The following ONECUT2 variants were observed in gnomAD, a reference collection of about 807,000 sequenced individuals.
ONECUT2 encodes the protein one cut domain family member 2.
Under a neutral mutation model 27.9 loss-of-function variants are expected in ONECUT2, and 10 were observed. That is an observed-to-expected ratio of 0.36 (90% CI 0.22 to 0.61). ONECUT2 has a LOEUF of 0.61. ONECUT2 is among the 20% of genes least tolerant of loss of function. The pLI is 0.73. For missense variants in ONECUT2, 686 were observed against 721.0 expected, an observed-to-expected ratio of 0.95 and a Z score of 0.56; for synonymous variants, 334 against 315.1, an observed-to-expected ratio of 1.06 and a Z score of -0.64.
intron 1 of ONECUT2, among the ~76,000 whole-genome samples, chr18:57,437,515 A>G (rs1469649553): frequency 1.3e-5 from 2 of 152,260 alleles, no homozygotes; most frequent in African/African-American, 4.8e-5. Context: ...GGCTGAAGGC[A>G]CAGCCTTGCC....
At position 57,476,753 on chromosome 18, in the gene ONECUT2, C is replaced by T; in HGVS notation, c.*30C>T. On this transcript the variant is annotated 3_prime_UTR_variant, in exon 2 of 2. Transcript: ENST00000491143. Reference sequence around the variant, plus strand: ...AGGACTCTCACTTGGGCACAAGTCACCTCCAAATGAGGACAACAGATACCA... The same window carrying T: ...AGGACTCTCACTTGGGCACAAGTCATCTCCAAATGAGGACAACAGATACCA... 1 of 1,607,860 alleles carries T rather than the reference C, an allele frequency of 6.2e-7. No homozygotes were observed. The highest frequency in any genetic ancestry group is 8.5e-7 in the Non-Finnish European group (1 of 1,176,540).
intron 1 of ONECUT2, among the ~76,000 whole-genome samples, chr18:57,467,634 G>A (rs79118502): frequency 0.044 from 6,747 of 152,206 alleles, 581 homozygotes; most frequent in East Asian, 0.36. Flanking sequence ...CGAAGTGCTG[G>A]GATTACAGGC....
At position 57,436,307 on chromosome 18, in the gene ONECUT2, C is replaced by T. The variant is rs1357490836; in HGVS notation, c.591C>T (p.Leu197=). ...GCAACGTCAGCGGCAGCTTCACCCT[C>T]ATGCGCGACGAGCGCGGGCTCCCGG... ...LSGNVSGSFT[L]MRDERGLPAM... is the part of the protein sequence containing the mutation. Residue 197 remains leucine (L), a synonymous_variant, in exon 1 of 2, where the codon CTC becomes CTT. Transcript: ENST00000491143. The surrounding 1 kb of genome is among the most constrained non-coding windows in gnomAD (Gnocchi z 5.9). The T allele has an allele frequency of 6.2e-7, 1 of 1,604,074 alleles. No homozygotes were observed. The highest frequency in any genetic ancestry group is 1.1e-5 in the South Asian group (1 of 90,992).
chr18:57,484,222 AAAACTTT>A lies in ONECUT2; in HGVS notation c.*7500_*7506del, dbSNP rs1416754789. ...AGCAGAAAAAAGAAAAAAAAAATGA[AAAACTTT>A]CTATTTCTAGTGAGAACCAAAGAAG... On this transcript the variant is annotated 3_prime_UTR_variant, in exon 2 of 2. Coordinates refer to ENST00000491143, the MANE Select transcript of ONECUT2 (RefSeq NM_004852.3). 1 of 152,658 alleles carries A rather than the reference AAAACTTT, an allele frequency of 6.6e-6. No individual in the cohort carries two copies. Among genetic ancestry groups the A allele is most frequent in the Non-Finnish European group, 1.5e-5 (1 of 68,046 alleles). 9.5% of individuals were successfully genotyped at this position (152,658 alleles called of 1,614,324 possible). A position where few individuals can be genotyped will look rare whatever the true frequency, so the allele number is the denominator to read the frequency against.
intron 1 of ONECUT2, chr18:57,467,043 A>G (rs2122139309): frequency 2.6e-6 from 1 of 389,036 alleles, no homozygotes; most frequent in Non-Finnish European, 5.2e-6. Flanking sequence ...TTTTCAGGCC[A>G]TGCCTCCATA....
chr18:57,476,788 A>G lies in ONECUT2; in HGVS notation c.*65A>G. 1 of 1,522,474 alleles carries G rather than the reference A, an allele frequency of 6.6e-7. No homozygotes were observed. The highest frequency in any genetic ancestry group is 8.8e-7 in the Non-Finnish European group (1 of 1,136,502). 94.3% of individuals were successfully genotyped at this position (1,522,474 alleles called of 1,614,324 possible). On this transcript the variant is annotated 3_prime_UTR_variant, in exon 2 of 2. Transcript: ENST00000491143. The stretch of plus-strand genomic sequence containing the variant: ...AGGACAACAGATACCAAAAGAAAAC[A>G]AAGGAAAAAGACACCGGATTCCTAG...
chr18:57,484,274 C>G lies in ONECUT2; in HGVS notation c.*7551C>G, dbSNP rs2050428931. On this transcript the variant is annotated 3_prime_UTR_variant, in exon 2 of 2. Coordinates refer to ENST00000491143, the MANE Select transcript of ONECUT2 (RefSeq NM_004852.3). Reference sequence around the variant, plus strand: ...AAGAAGGCTACCTCACTGACTTTTTCCATTTGTAATTTTAATCGTGTTGAT... The same window carrying G: ...AAGAAGGCTACCTCACTGACTTTTTGCATTTGTAATTTTAATCGTGTTGAT... 1 of 152,420 alleles carries G rather than the reference C, an allele frequency of 6.6e-6. No individual in the cohort carries two copies. Among genetic ancestry groups the G allele is most frequent in the Admixed American group, 6.6e-5 (1 of 15,258 alleles). 9.4% of individuals were successfully genotyped at this position (152,420 alleles called of 1,614,324 possible). A position where few individuals can be genotyped will look rare whatever the true frequency, so the allele number is the denominator to read the frequency against.
intron 1 of ONECUT2, among the ~76,000 whole-genome samples, chr18:57,449,470 A>G (rs553793842): frequency 6.6e-6 from 1 of 152,326 alleles, no homozygotes; most frequent in South Asian, 2.1e-4. Flanking sequence ...AGTTCTCATC[A>G]ATGTCATTTT....
chr18:57,467,249 C>T (rs940700331), intron 1 of ONECUT2: 12 of 451,228 alleles, frequency 2.7e-5, no homozygotes, highest in Non-Finnish European at 4.5e-5. Context: ...GTTGCTCTAG[C>T]GCTTGTCAAG....
intron 1 of ONECUT2, among the ~76,000 whole-genome samples, chr18:57,470,273 A>T (rs1330504225): frequency 6.6e-6 from 1 of 152,136 alleles, no homozygotes; most frequent in Non-Finnish European, 1.5e-5. Context: ...TGGGGCAGCG[A>T]GGACTGGAAG....
intron 1 of ONECUT2, chr18:57,467,028 G>A (rs1369059205): frequency 2.7e-6 from 1 of 375,390 alleles, no homozygotes; most frequent in Non-Finnish European, 5.3e-6. Flanking sequence ...GGGCACTCTG[G>A]GCCTTTTTCA....
In ONECUT2 at chr18:57,436,503, G is replaced by T; in HGVS notation, c.787G>T (p.Asp263Tyr). The T allele has an allele frequency of 6.2e-7, 1 of 1,613,310 alleles. No homozygotes were observed. Among genetic ancestry groups the T allele is most frequent in the Non-Finnish European group, 8.5e-7 (1 of 1,179,894 alleles). Residue 263 changes from aspartate (D) to tyrosine (Y), a missense_variant, in exon 1 of 2, where the codon GAC (aspartate) becomes TAC (tyrosine). Physicochemically the swap from Asp to Tyr is radical, Grantham distance 160. Around this residue, in one of 4 missense-constraint regions of ONECUT2, gnomAD observed 511 missense variants for 488.1 expected, o/e 1.05. Coordinates refer to ENST00000491143, the MANE Select transcript of ONECUT2 (RefSeq NM_004852.3). This position sits in a 1 kb window ranked among gnomAD's most constrained non-coding sequence, Gnocchi z 5.9. ...CGACAAAATGCTCAGCCCCAACTTCGACGCGCACCACACTGCCATGCTGAC... is the reference window on the plus strand; with the variant it reads ...CGACAAAATGCTCAGCCCCAACTTCTACGCGCACCACACTGCCATGCTGAC... ...GHDKMLSPNF[D>Y]AHHTAMLTRG...
chr18:57,460,326 G>T (rs578107806), intron 1 of ONECUT2, among the ~76,000 whole-genome samples: 33 of 152,146 alleles, frequency 2.2e-4, no homozygotes, highest in South Asian at 6.2e-4. Context: ...ATCTCAAATG[G>T]ATAGCCAACT....
At chr18:57,449,508 G>A (rs1225844344) in intron 1 of ONECUT2, among the ~76,000 whole-genome samples, 2 of 152,148 alleles carry the variant, frequency 1.3e-5, no homozygotes, top group East Asian at 1.9e-4. Context: ...TTATAACTAT[G>A]TATTAATTTT....
chr18:57,446,700 GTC>G (rs2050201876), intron 1 of ONECUT2, among the ~76,000 whole-genome samples: 1 of 152,124 alleles, frequency 6.6e-6, no homozygotes, highest in Admixed American at 6.5e-5. Context: ...CTTTTTCCTG[GTC>G]CTTTGAAACT....
chr18:57,435,987 C>T lies in ONECUT2; in HGVS notation c.271C>T (p.Leu91=), dbSNP rs1165297443. The part of the protein sequence containing the change: ...PPPPPTAHQE[L]GTAAAAAAAA... ...GCCGCCTCCAACCGCGCACCAGGAG[C>T]TGGGCACGGCGGCAGCGGCGGCAGC... Residue 91 remains leucine, a synonymous_variant, in exon 1 of 2, where the codon CTG becomes TTG. Coordinates refer to ENST00000491143, the MANE Select transcript of ONECUT2 (RefSeq NM_004852.3). The T allele has an allele frequency of 6.7e-7, 1 of 1,493,654 alleles. No individual in the cohort carries two copies. Among genetic ancestry groups the T allele is most frequent in the Non-Finnish European group, 8.9e-7 (1 of 1,125,640 alleles). 92.5% of individuals were successfully genotyped at this position (1,493,654 alleles called of 1,614,324 possible).
At chr18:57,453,109 T>C (rs1314784040) in intron 1 of ONECUT2, among the ~76,000 whole-genome samples, 2 of 152,218 alleles carry the variant, frequency 1.3e-5, no homozygotes, top group Non-Finnish European at 2.9e-5. Flanking sequence ...ATGCCGTCCA[T>C]TAGTGAGTAC....
chr18:57,447,190 C>G (rs1239335628), intron 1 of ONECUT2, among the ~76,000 whole-genome samples: 2 of 152,246 alleles, frequency 1.3e-5, no homozygotes, highest in Non-Finnish European at 1.5e-5. Context: ...GCAGCTATTT[C>G]CACACTTGCT....
At chr18:57,438,652 G>C (rs1001615898) in intron 1 of ONECUT2, among the ~76,000 whole-genome samples, 1 of 152,234 alleles carries the variant, frequency 6.6e-6, no homozygotes, top group Non-Finnish European at 1.5e-5. Context: ...TCGCCCCGCA[G>C]TGTTGATCTA....
Sources: allele counts gnomAD v4.1 joint callset (sites outside exome capture counted in the v4.1 genomes callset), GRCh38; gene constraint gnomAD v4.1.1; regional missense constraint gnomAD v4.1.1; non-coding constraint Gnocchi (gnomAD v3.1); transcripts MANE v1.5; gene names NCBI Gene and HGNC (gene_info 2026-07-23, HGNC 2026-07-21).